The following CSTPP1 variants were observed in gnomAD, a reference collection of about 807,000 sequenced individuals.
CSTPP1 encodes the protein UPF0705 protein C11orf49.
the CSTPP1 span, among the ~76,000 whole-genome samples, chr11:47,026,072 G>C: frequency 6.6e-6 from 1 of 152,202 alleles, no homozygotes; most frequent in Non-Finnish European, 1.5e-5. Flanking sequence ...GAAGAAAATA[G>C]TACAGACAGG....
chr11:47,071,375 T>G, the CSTPP1 span, among the ~76,000 whole-genome samples: 1 of 152,214 alleles, frequency 6.6e-6, no homozygotes, highest in Non-Finnish European at 1.5e-5. Context: ...TTTCCAAGCC[T>G]TAGTTTTCTC....
the CSTPP1 span, among the ~76,000 whole-genome samples, chr11:46,988,692 GTTCATTTT>G: frequency 7.2e-5 from 11 of 152,032 alleles, no homozygotes; most frequent in Admixed American, 2.6e-4. Flanking sequence ...TAACTTAATT[GTTCATTTT>G]AAAATAACTC....
the CSTPP1 span, among the ~76,000 whole-genome samples, chr11:46,940,165 G>A: frequency 6.6e-6 from 1 of 152,186 alleles, no homozygotes; most frequent in Non-Finnish European, 1.5e-5. Flanking sequence ...GAGCCACTGC[G>A]CCTGGCCTCG....
the CSTPP1 span, among the ~76,000 whole-genome samples, chr11:46,966,848 T>C: frequency 3.9e-5 from 6 of 152,210 alleles, no homozygotes; most frequent in African/African-American, 1.4e-4. Context: ...GCTTGGGCTG[T>C]CATAACAAAA....
the CSTPP1 span, among the ~76,000 whole-genome samples, chr11:47,087,161 A>T: frequency 6.6e-6 from 1 of 152,186 alleles, no homozygotes; most frequent in African/African-American, 2.4e-5. Flanking sequence ...AAGCTTTTTT[A>T]AAAAATCATT....
the CSTPP1 span, among the ~76,000 whole-genome samples, chr11:46,964,911 T>C: frequency 6.6e-6 from 1 of 152,196 alleles, no homozygotes; most frequent in East Asian, 1.9e-4. Context: ...TGGGGGTTTC[T>C]ATAGCAGGGA....
chr11:47,030,289 A>G, the CSTPP1 span, among the ~76,000 whole-genome samples: 2 of 152,224 alleles, frequency 1.3e-5, no homozygotes, highest in African/African-American at 4.8e-5. Flanking sequence ...CCAGTTAAAC[A>G]GTGCAGGTCA....
chr11:47,161,538 CT>C, the CSTPP1 span: 2 of 1,614,166 alleles, frequency 1.2e-6, no homozygotes, highest in Non-Finnish European at 1.7e-6. Context: ...TCCCGGACCC[CT>C]CCCCGGGTTG....
At chr11:47,139,104 T>A in the CSTPP1 span, among the ~76,000 whole-genome samples, 1 of 151,638 alleles carries the variant, frequency 6.6e-6, no homozygotes, top group Non-Finnish European at 1.5e-5. Context: ...GCATTTACCT[T>A]CATTGTTCTA....
chr11:46,997,185 G>A, the CSTPP1 span, among the ~76,000 whole-genome samples: 2 of 152,186 alleles, frequency 1.3e-5, no homozygotes, highest in African/African-American at 4.8e-5. Flanking sequence ...ATTACTTTCA[G>A]GTACACCAAT....
the CSTPP1 span, among the ~76,000 whole-genome samples, chr11:46,937,007 C>T: frequency 6.6e-6 from 1 of 151,896 alleles, no homozygotes; most frequent in Admixed American, 6.6e-5. Context: ...CCTGTAAGGC[C>T]GAGCAGGAAG....
the CSTPP1 span, among the ~76,000 whole-genome samples, chr11:46,973,308 A>G: frequency 6.6e-6 from 1 of 152,180 alleles, no homozygotes. Context: ...TGCCAGATAT[A>G]TTAGTTTGAT....
At chr11:47,014,385 G>GA in the CSTPP1 span, among the ~76,000 whole-genome samples, 9 of 147,618 alleles carry the variant, frequency 6.1e-5, no homozygotes, top group East Asian at 2.0e-4. Context: ...GAAAGAAAAA[G>GA]AAAAAAAAAA....
the CSTPP1 span, among the ~76,000 whole-genome samples, chr11:47,051,206 A>G: frequency 2.6e-5 from 4 of 152,224 alleles, no homozygotes; most frequent in Admixed American, 6.5e-5. Flanking sequence ...CTGCCTCTCC[A>G]CAAAGATTAA....
At chr11:46,955,901 A>T in the CSTPP1 span, among the ~76,000 whole-genome samples, 2 of 151,662 alleles carry the variant, frequency 1.3e-5, no homozygotes, top group Non-Finnish European at 2.9e-5. Flanking sequence ...AGGCAGGAGA[A>T]TCGCCCGAAC....
At chr11:47,022,718 T>C in the CSTPP1 span, among the ~76,000 whole-genome samples, 1 of 152,164 alleles carries the variant, frequency 6.6e-6, no homozygotes, top group African/African-American at 2.4e-5. Context: ...CTCTGGAAAA[T>C]ATTGATTTTC....
chr11:47,056,103 A>G, the CSTPP1 span, among the ~76,000 whole-genome samples: 2 of 152,220 alleles, frequency 1.3e-5, no homozygotes, highest in African/African-American at 4.8e-5. Context: ...TTATACCAAA[A>G]TCCACGCATA....
chr11:47,073,223 A>T, the CSTPP1 span, among the ~76,000 whole-genome samples: 266 of 152,184 alleles, frequency 1.7e-3, no homozygotes, highest in Admixed American at 2.4e-3. Context: ...AAATTATGAG[A>T]TATAGGAAAG....
the CSTPP1 span, among the ~76,000 whole-genome samples, chr11:47,127,149 G>A: frequency 6.6e-6 from 1 of 152,138 alleles, no homozygotes; most frequent in Non-Finnish European, 1.5e-5. Context: ...GCCTTTGAAT[G>A]AGAAGGCTTG....
Sources: allele counts gnomAD v4.1 joint callset (sites outside exome capture counted in the v4.1 genomes callset), GRCh38; gene constraint gnomAD v4.1.1; transcripts MANE v1.5; gene names NCBI Gene and HGNC (gene_info 2026-07-23, HGNC 2026-07-21).